RPS6KC1: variants seen among roughly 807,000 people sequenced by gnomAD.
RPS6KC1 encodes the protein inactive ribosomal protein S6 kinase delta-1.
A neutral mutation model predicts 103.8 loss-of-function variants in RPS6KC1; 54 were observed. The ratio of observed to expected loss-of-function variants is 0.52; its 90% CI spans 0.42 to 0.65. The LOEUF (loss-of-function observed/expected upper bound fraction) is 0.65. RPS6KC1 is among the 30% of genes least tolerant of loss of function. The probability of loss-of-function intolerance (pLI) is 0.00; values close to 1 mark genes in which losing one functional copy is unlikely to be tolerated. For missense variants in RPS6KC1, 1,151 were observed against 1,253.8 expected, an observed-to-expected ratio of 0.92 and a Z score of 1.24; for synonymous variants, 439 against 438.7, an observed-to-expected ratio of 1.00 and a Z score of -0.01.
At chr1:213,445,975 C>T in the RPS6KC1 span, among the ~76,000 whole-genome samples, 1 of 152,208 alleles carries the variant, frequency 6.6e-6, no homozygotes, top group Non-Finnish European at 1.5e-5. Flanking sequence ...CCTTGGTGGG[C>T]ACAGGGTGAG....
intron 2 of RPS6KC1, among the ~76,000 whole-genome samples, chr1:213,072,185 G>A (rs973080293): frequency 2.6e-5 from 4 of 151,700 alleles, no homozygotes; most frequent in South Asian, 2.1e-4. Context: ...TTGGGTGGTA[G>A]GTTGTTTCTG....
intron 5 of RPS6KC1, among the ~76,000 whole-genome samples, chr1:213,124,571 C>T (rs1005596807): frequency 5.9e-5 from 9 of 152,070 alleles, no homozygotes; most frequent in East Asian, 3.8e-4. Flanking sequence ...GTTGAACAAG[C>T]ACTGTATTAA....
the RPS6KC1 span, among the ~76,000 whole-genome samples, chr1:213,854,186 T>C: frequency 6.6e-6 from 1 of 152,206 alleles, no homozygotes; most frequent in African/African-American, 2.4e-5. Context: ...TGATAATTCA[T>C]CTCCTCAAAC....
chr1:213,424,457 G>C, the RPS6KC1 span, among the ~76,000 whole-genome samples: 13 of 152,344 alleles, frequency 8.5e-5, no homozygotes, highest in African/African-American at 2.9e-4. Context: ...CTTTCTATCT[G>C]CCAAAGGCTT....
At chr1:213,057,752 C>CTTT (rs869259657) in intron 1 of RPS6KC1, among the ~76,000 whole-genome samples, 1,934 of 73,528 alleles carry the variant, frequency 0.026, 50 homozygotes, top group Middle Eastern at 0.052. Flanking sequence ...TCTGAAGTAT[C>CTTT]TTTTTTTTTT....
the RPS6KC1 span, among the ~76,000 whole-genome samples, chr1:213,547,546 C>T: frequency 1.3e-5 from 2 of 152,294 alleles, no homozygotes; most frequent in African/African-American, 4.8e-5. Context: ...GGATATTTGT[C>T]CCTTCCAAAT....
At chr1:213,127,277 G>A (rs1482602481) in intron 5 of RPS6KC1, among the ~76,000 whole-genome samples, 1 of 152,164 alleles carries the variant, frequency 6.6e-6, no homozygotes, top group African/African-American at 2.4e-5. Context: ...AAACTGCTGT[G>A]CTTGGGCATG....
At chr1:213,824,063 CT>C in the RPS6KC1 span, among the ~76,000 whole-genome samples, 6 of 152,188 alleles carry the variant, frequency 3.9e-5, no homozygotes, top group Admixed American at 1.3e-4. Flanking sequence ...ACTGTCCCCC[CT>C]GTCCAGATTG....
the RPS6KC1 span, among the ~76,000 whole-genome samples, chr1:213,741,030 G>T: frequency 7.5e-6 from 1 of 132,492 alleles, no homozygotes; most frequent in African/African-American, 2.6e-5. Flanking sequence ...ACATATGTGT[G>T]TATACATATA....
the RPS6KC1 span, among the ~76,000 whole-genome samples, chr1:213,606,137 A>G: frequency 1.8e-4 from 28 of 152,360 alleles, no homozygotes; most frequent in African/African-American, 6.3e-4. Flanking sequence ...GTATATTCAC[A>G]AAAGAAGGGC....
chr1:213,514,875 A>C, the RPS6KC1 span, among the ~76,000 whole-genome samples: 3 of 152,162 alleles, frequency 2.0e-5, no homozygotes, highest in Admixed American at 1.3e-4. Flanking sequence ...ATTTCTCCAC[A>C]TCCTCTCCAG....
chr1:213,305,511 A>G, the RPS6KC1 span, among the ~76,000 whole-genome samples: 43 of 152,336 alleles, frequency 2.8e-4, no homozygotes, highest in Admixed American at 1.2e-3. Flanking sequence ...TTCTTTGAAA[A>G]GTACAGTGTC....
At chr1:213,795,730 C>G in the RPS6KC1 span, among the ~76,000 whole-genome samples, 2 of 152,152 alleles carry the variant, frequency 1.3e-5, no homozygotes, top group Non-Finnish European at 2.9e-5. Context: ...AAACGTCCAC[C>G]ATGAAAATTC....
the RPS6KC1 span, among the ~76,000 whole-genome samples, chr1:213,464,540 T>A: frequency 2.0e-5 from 3 of 152,092 alleles, no homozygotes; most frequent in African/African-American, 7.2e-5. Flanking sequence ...TCAGTGCTTT[T>A]AAAAAAATAT....
intron 3 of RPS6KC1, among the ~76,000 whole-genome samples, chr1:213,094,147 A>C (rs2081247086): frequency 6.6e-6 from 1 of 150,632 alleles, no homozygotes; most frequent in Non-Finnish European, 1.5e-5. Flanking sequence ...TTCCAAATTC[A>C]TGGATTGTTA....
chr1:213,427,425 G>C, the RPS6KC1 span, among the ~76,000 whole-genome samples: 1 of 151,930 alleles, frequency 6.6e-6, no homozygotes, highest in African/African-American at 2.4e-5. Context: ...TTTCCTTTTT[G>C]CTTTGGCTAC....
chr1:213,605,535 TGA>T, the RPS6KC1 span, among the ~76,000 whole-genome samples: 1 of 152,158 alleles, frequency 6.6e-6, no homozygotes, highest in African/African-American at 2.4e-5. Context: ...TGAGCCCCTG[TGA>T]GGTGATTGTA....
the RPS6KC1 span, among the ~76,000 whole-genome samples, chr1:213,562,815 C>T: frequency 1.3e-5 from 2 of 152,076 alleles, no homozygotes; most frequent in African/African-American, 4.8e-5. Context: ...AAGTGTGTGC[C>T]ACTATCCCTA....
At chr1:213,458,472 G>T in the RPS6KC1 span, among the ~76,000 whole-genome samples, 1 of 152,166 alleles carries the variant, frequency 6.6e-6, no homozygotes, top group Non-Finnish European at 1.5e-5. Context: ...ACAAGTACAT[G>T]TGTCTTTTTG....
Sources: gnomAD v4.1 joint callset for allele counts (sites outside exome capture counted in the v4.1 genomes callset) on GRCh38, gnomAD v4.1.1 for gene constraint, MANE v1.5 for transcripts, NCBI Gene and HGNC (gene_info 2026-07-23, HGNC 2026-07-21) for gene names.